DGKD: variants seen among roughly 807,000 people sequenced by gnomAD.
DGKD encodes the protein DAG kinase delta.
Under a neutral mutation model 154.4 loss-of-function variants are expected in DGKD, and 68 were observed. The observed-to-expected ratio is 0.44, with a 90% confidence interval of 0.36 to 0.54. The LOEUF (loss-of-function observed/expected upper bound fraction) is 0.54, where lower values mean the gene tolerates loss of function less well. Among genes scored for constraint, DGKD ranks in the 20% least tolerant of loss-of-function variants. DGKD has a pLI of 0.00. For synonymous variants in DGKD, 693 were observed against 638.0 expected (o/e 1.09, Z -1.30); for missense variants, 1,343 against 1,593.6 (o/e 0.84, Z 2.68).
chr2:233,384,329 A>G (rs1703058393), intron 1 of DGKD, among the ~76,000 whole-genome samples: 1 of 152,064 alleles, frequency 6.6e-6, no homozygotes, highest in East Asian at 1.9e-4. Context: ...GCTTCTGCCC[A>G]CTTTCTTCTT....
chr2:233,401,785 T>G lies in DGKD; in HGVS notation c.348+11302T>G, dbSNP rs576300341. Reference sequence around the variant, plus strand: ...AAATATAAAAATTAGACAGACATGGTGGCGGGCGCCTGTAATCCCAGCTAC... The same window carrying G: ...AAATATAAAAATTAGACAGACATGGGGGCGGGCGCCTGTAATCCCAGCTAC... On this transcript the variant is annotated intron_variant, in intron 3 of 29. Coordinates refer to ENST00000264057, the MANE Select transcript of DGKD (RefSeq NM_152879.3). Among the ~76,000 whole-genome samples the G allele has an allele frequency of 2.6e-5, 4 of 151,850 alleles. No homozygotes were observed. The South Asian group carries it at 8.3e-4, about 32-fold the overall frequency.
At position 233,449,896 on chromosome 2, in the gene DGKD, G is replaced by A. The variant is rs1239282290; in HGVS notation, c.1889-86G>A. 4 of 1,458,054 alleles carry A rather than the reference G, an allele frequency of 2.7e-6. No individual in the cohort carries two copies. Among genetic ancestry groups the A allele is most frequent in the Admixed American group, 4.7e-5 (2 of 42,754 alleles). The allele number at this position is 1,458,054 out of a possible 1,614,324, so 90.3% of individuals were successfully genotyped here. On this transcript the variant is annotated intron_variant, in intron 15 of 29. Coordinates refer to ENST00000264057, the MANE Select transcript of DGKD (RefSeq NM_152879.3). The surrounding 1 kb of genome is among the most constrained non-coding windows in gnomAD (Gnocchi z 5.3). ...TGTTTGAGGAAGATCAGGCCGTGGG[G>A]TGAGGATGAGGGGCCCTCCACCCAG...
Position 233,449,143 on chromosome 2 carries a change from C to G in DGKD, c.1655C>G (p.Thr552Ser), listed in dbSNP as rs1172873512. The change falls in exon 15 of 30, where the codon ACC becomes AGC. Residue 552 changes from threonine (T) to serine (S), a missense_variant. By Grantham distance (58) the Thr-to-Ser change is moderately conservative. This residue lies in a region of DGKD where 409 missense variants were observed against 446.0 expected (regional missense o/e 0.92). Coordinates refer to ENST00000264057, the MANE Select transcript of DGKD (RefSeq NM_152879.3). The surrounding 1 kb of genome is among the most constrained non-coding windows in gnomAD (Gnocchi z 5.3). ...GAGAAGCTGGATTCCCTTCTCAAGA[C>G]CTTGGACGATGAGTCCCAGGCCTCG... is the stretch of plus-strand genomic sequence containing the variant. ...LKEKLDSLLK[T>S]LDDESQASSS... The G allele has an allele frequency of 1.6e-5, 25 of 1,609,014 alleles. No individual in the cohort carries two copies. The highest frequency in any genetic ancestry group is 2.0e-5 in the Non-Finnish European group (24 of 1,176,174).
At chr2:233,431,577 C>G (rs1239653087) in intron 3 of DGKD, among the ~76,000 whole-genome samples, 1 of 152,176 alleles carries the variant, frequency 6.6e-6, no homozygotes, top group Non-Finnish European at 1.5e-5. Context: ...TCACATTATA[C>G]TACAGAGCTA....
chr2:233,447,461 G>A (rs1355581668), intron 12 of DGKD: 3 of 984,658 alleles, frequency 3.0e-6, no homozygotes, highest in South Asian at 9.4e-5. Context: ...GATGTGCCTG[G>A]GCCCACGGCC....
At chr2:233,403,701 G>A (rs180990650) in intron 3 of DGKD, among the ~76,000 whole-genome samples, 9 of 150,552 alleles carry the variant, frequency 6.0e-5, no homozygotes, top group Admixed American at 2.0e-4. Flanking sequence ...GTGTAGTGGC[G>A]CGATTTAGGC....
In DGKD at chr2:233,438,845, C is replaced by G. The variant is rs1173916440; in HGVS notation, c.1085+466C>G. Among the ~76,000 whole-genome samples the G allele has an allele frequency of 6.6e-6, 1 of 151,896 alleles. No individual in the cohort carries two copies. The highest frequency in any genetic ancestry group is 2.4e-5 in the African/African-American group (1 of 41,294). On this transcript the variant is annotated intron_variant, in intron 9 of 29. Transcript: ENST00000264057. This position sits in a 1 kb window ranked among gnomAD's most constrained non-coding sequence, Gnocchi z 4.1. ...GTGTATTTTCCTGGCGTGCCTCGTT[C>G]TTTGTAACAGCTGCCTAACATTGAG...
intron 14 of DGKD, among the ~76,000 whole-genome samples, chr2:233,448,864 G>A (rs931655597): frequency 5.3e-5 from 8 of 152,204 alleles, no homozygotes; most frequent in Admixed American, 2.6e-4. Flanking sequence ...GACTCAGCTC[G>A]CAATCAGTAT....
chr2:233,431,304 A>G (rs1311941771), intron 3 of DGKD, among the ~76,000 whole-genome samples: 2 of 152,214 alleles, frequency 1.3e-5, no homozygotes, highest in Non-Finnish European at 2.9e-5. Flanking sequence ...ACTACAAAAC[A>G]TTGATGCAAG....
Position 233,370,350 on chromosome 2 carries a change from A to G in DGKD, c.156+15676A>G, listed in dbSNP as rs541279439. 2.0e-5 allele frequency among the ~76,000 whole-genome samples: 3 copies of G among 152,196 alleles called. No homozygotes were observed. The East Asian group carries it at 5.8e-4, about 29-fold the overall frequency. On this transcript the variant is annotated intron_variant, in intron 1 of 29. Transcript: ENST00000264057. Reference sequence around the variant, plus strand: ...CACCTCAGCCCCCCCAGTAGCTGGCATTACAGGTGCACTCCACCATGCCTG... The same window carrying G: ...CACCTCAGCCCCCCCAGTAGCTGGCGTTACAGGTGCACTCCACCATGCCTG...
At chr2:233,427,546 T>C (rs1229975947) in intron 3 of DGKD, among the ~76,000 whole-genome samples, 1 of 151,954 alleles carries the variant, frequency 6.6e-6, no homozygotes, top group Admixed American at 6.6e-5. Context: ...TTTACCATGT[T>C]GGCCAGGCTG....
chr2:233,397,985 T>C (rs1332781078), intron 3 of DGKD, among the ~76,000 whole-genome samples: 1 of 151,990 alleles, frequency 6.6e-6, no homozygotes, highest in Non-Finnish European at 1.5e-5. Flanking sequence ...TTTAGCCTTA[T>C]TTTATTTAAT....
chr2:233,397,101 G>C (rs28545586), intron 3 of DGKD, among the ~76,000 whole-genome samples: 398 of 17,796 alleles, frequency 0.022, no homozygotes, highest in African/African-American at 0.052. Context: ...CCAGAGGGGA[G>C]CAGGGTGGCT....
At position 233,468,501 on chromosome 2, in the gene DGKD, G is replaced by C. The variant is rs558628101; in HGVS notation, c.3503G>C (p.Arg1168Pro). Residue 1168 changes from arginine (R) to proline (P), a missense_variant, in exon 29 of 30, where the codon CGG becomes CCG. Around this residue, in one of 6 missense-constraint regions of DGKD, gnomAD observed 429 missense variants for 496.3 expected, o/e 0.86. Transcript: ENST00000264057. ...SLCEYKDIFT[R>P]HDIRGSELLH... ...TGTGAGTATAAGGACATCTTCACACGGCACGACATCCGGGGCTCTGAGCTC... is the reference window on the plus strand; with the variant it reads ...TGTGAGTATAAGGACATCTTCACACCGCACGACATCCGGGGCTCTGAGCTC... 1 of 1,613,536 alleles carries C rather than the reference G, an allele frequency of 6.2e-7. No homozygotes were observed. Among genetic ancestry groups the C allele is most frequent in the Non-Finnish European group, 8.5e-7 (1 of 1,179,952 alleles).
Position 233,431,316 on chromosome 2 carries a change from A to C in DGKD, c.349-3064A>C, listed in dbSNP as rs536372218. ...AATACTACAAAACATTGATGCAAGA[A>C]ATGGAAGAGAACACACAAAAAATGG... On this transcript the variant is annotated intron_variant, in intron 3 of 29. Coordinates refer to ENST00000264057, the MANE Select transcript of DGKD (RefSeq NM_152879.3). 3.3e-5 allele frequency among the ~76,000 whole-genome samples: 5 copies of C among 152,216 alleles called. No individual in the cohort carries two copies. In the East Asian group the frequency reaches 7.7e-4, roughly 23 times the overall value.
At position 233,452,129 on chromosome 2, in the gene DGKD, A is replaced by C; in HGVS notation, c.2264+69A>C. 6.8e-5 allele frequency: 95 copies of C among 1,395,734 alleles called. No individual in the cohort carries two copies. The highest frequency in any genetic ancestry group is 9.1e-5 in the Non-Finnish European group (90 of 984,634). The allele number at this position is 1,395,734 out of a possible 1,614,324, so 86.5% of individuals were successfully genotyped here. A position where few individuals can be genotyped will look rare whatever the true frequency, so the allele number is the denominator to read the frequency against. ...TGCTAGTGCATAGAAAACAGATCTC[A>C]GGATTAACTAGAGAAATTAGTGAGC... is the stretch of plus-strand genomic sequence containing the variant. On this transcript the variant is annotated intron_variant, in intron 18 of 29. Transcript: ENST00000264057. The surrounding 1 kb of genome is among the most constrained non-coding windows in gnomAD (Gnocchi z 4.0).
In DGKD at chr2:233,452,402, C is replaced by T. The variant is rs1209282953; in HGVS notation, c.2264+342C>T. ...TGTGCTGCTCTTCGTGGTCACTCTC[C>T]CATGATCTTGGCTGGACCTCACTGA... On this transcript the variant is annotated intron_variant, in intron 18 of 29. Coordinates refer to ENST00000264057, the MANE Select transcript of DGKD (RefSeq NM_152879.3). This position sits in a 1 kb window ranked among gnomAD's most constrained non-coding sequence, Gnocchi z 4.0. 6.6e-6 allele frequency among the ~76,000 whole-genome samples: 1 copy of T among 152,206 alleles called. No homozygotes were observed. The highest frequency in any genetic ancestry group is 2.4e-5 in the African/African-American group (1 of 41,448).
intron 17 of DGKD, among the ~76,000 whole-genome samples, chr2:233,451,715 C>G (rs1408637652): frequency 2.0e-5 from 3 of 152,128 alleles, no homozygotes; most frequent in Non-Finnish European, 4.4e-5. Context: ...CACAGGCACA[C>G]ACCTTAGAAG....
At chr2:233,369,455 CTTT>C (rs796955350) in intron 1 of DGKD, among the ~76,000 whole-genome samples, 1 of 152,166 alleles carries the variant, frequency 6.6e-6, no homozygotes, top group Non-Finnish European at 1.5e-5. Context: ...TTAATTTTAA[CTTT>C]TTAAATAAAG....
Sources: gnomAD v4.1 joint callset for allele counts (sites outside exome capture counted in the v4.1 genomes callset) on GRCh38, gnomAD v4.1.1 for gene constraint, gnomAD v4.1.1 regional missense constraint, Gnocchi (gnomAD v3.1) non-coding constraint, MANE v1.5 for transcripts, NCBI Gene and HGNC (gene_info 2026-07-23, HGNC 2026-07-21) for gene names.